JAKMIP2: variants seen among roughly 807,000 people sequenced by gnomAD.
JAKMIP2 encodes the protein janus kinase and microtubule interacting protein 2.
In JAKMIP2, 25 loss-of-function variants were observed where a neutral mutation model predicts 115.0. The observed-to-expected ratio is 0.22, with a 90% CI of 0.16 to 0.30. JAKMIP2 has a LOEUF of 0.30. JAKMIP2 is among the 10% of genes least tolerant of loss of function. The probability of loss-of-function intolerance (pLI) is 1.00; values close to 1 mark genes in which losing one functional copy is unlikely to be tolerated. For missense variants in JAKMIP2, 642 were observed against 957.6 expected (o/e 0.67, Z 4.35); for synonymous variants, 334 against 343.6 (o/e 0.97, Z 0.31).
intron 1 of JAKMIP2, among the ~76,000 whole-genome samples, chr5:147,721,980 A>G (rs548814046): frequency 3.9e-5 from 6 of 152,288 alleles, no homozygotes; most frequent in East Asian, 3.9e-4. Flanking sequence ...CAGTCTCCCT[A>G]GAGTATTTCA....
chr5:147,615,920 G>A (rs562846607), intron 19 of JAKMIP2, among the ~76,000 whole-genome samples: 7 of 152,188 alleles, frequency 4.6e-5, no homozygotes, highest in East Asian at 1.9e-4. Flanking sequence ...GGTCCTGCAC[G>A]TGCCTGGGGT....
intron 9 of JAKMIP2, among the ~76,000 whole-genome samples, chr5:147,640,076 T>G (rs2126714352): frequency 6.6e-6 from 1 of 152,330 alleles, no homozygotes; most frequent in Middle Eastern, 3.4e-3. Context: ...CATATCCAGA[T>G]TTTGGACCTA....
rs185136052 is a variant in JAKMIP2, at chr5:147,660,922, G to T, written c.627+26C>A. The T allele has an allele frequency of 2.1e-5, 33 of 1,607,160 alleles. No individual in the cohort carries two copies. The East Asian group carries it at 7.2e-4, about 35-fold the overall frequency. ...AACCTGGAAGAGATGGGTTCTACATGGGTCTGATGGGATTACTGTACTAAC... is the reference window on the plus strand; with the variant it reads ...AACCTGGAAGAGATGGGTTCTACATTGGTCTGATGGGATTACTGTACTAAC... On this transcript the variant is annotated intron_variant, in intron 3 of 21. Transcript: ENST00000616793.
chr5:147,637,100 C>T (rs1277243561), intron 10 of JAKMIP2, 52 bp from the exon 11 acceptor site: 1 of 852,138 alleles, frequency 1.2e-6, no homozygotes, highest in African/African-American at 1.7e-5. Context: ...TATTCAATAC[C>T]TTTCTTGACT....
rs184833711 is a variant in JAKMIP2, at chr5:147,620,992, C to A, written c.2065-249G>T. 2.5e-3 allele frequency among the ~76,000 whole-genome samples: 375 copies of A among 152,224 alleles called. 2 individuals are homozygous for A. The highest frequency in any genetic ancestry group is 4.2e-3 in the Non-Finnish European group (286 of 68,010). Reference sequence around the variant, plus strand: ...TAGAATGCTCTAAAAGATTTTTAATCTGAGAGCACGTGATTAAGTATAGAT... The same window carrying A: ...TAGAATGCTCTAAAAGATTTTTAATATGAGAGCACGTGATTAAGTATAGAT... On this transcript the variant is annotated intron_variant, in intron 17 of 21. Coordinates refer to ENST00000616793, the MANE Select transcript of JAKMIP2 (RefSeq NM_001270941.2).
intron 1 of JAKMIP2, among the ~76,000 whole-genome samples, chr5:147,674,236 T>C (rs1393714017): frequency 6.6e-6 from 1 of 152,190 alleles, no homozygotes; most frequent in African/African-American, 2.4e-5. Flanking sequence ...TTTTATTCCT[T>C]GTTTCTCTTA....
rs1043311858 is a variant in JAKMIP2, at chr5:147,710,078, C to T, written c.-148-38124G>A. 5.3e-5 allele frequency among the ~76,000 whole-genome samples: 8 copies of T among 152,024 alleles called. No homozygotes were observed. The South Asian group carries it at 1.5e-3, about 28-fold the overall frequency. On this transcript the variant is annotated intron_variant, in intron 1 of 21. Transcript: ENST00000616793. ...CAGCCTGTAATAGGGGCTTAAAATC[C>T]GAAGGAGTATTGATGAATAAATGAG...
At chr5:147,639,593 G>C in intron 10 of JAKMIP2, 39 bp downstream of exon 10, 4 of 1,581,402 alleles carry the variant, frequency 2.5e-6, no homozygotes, top group Non-Finnish European at 3.4e-6. Context: ...TGTGACTGCT[G>C]CACGCTAATT....
At chr5:147,652,788 C>T (rs1758471559) in intron 3 of JAKMIP2, among the ~76,000 whole-genome samples, 1 of 152,032 alleles carries the variant, frequency 6.6e-6, no homozygotes. Context: ...GCTTGCTGTA[C>T]CTATCAACCG....
intron 1 of JAKMIP2, among the ~76,000 whole-genome samples, chr5:147,738,552 T>C: frequency 6.6e-6 from 1 of 152,190 alleles, no homozygotes; most frequent in East Asian, 1.9e-4. Flanking sequence ...GAATTTACTG[T>C]ATGAATAGAC....
At chr5:147,692,400 C>T (rs896585612) in intron 1 of JAKMIP2, among the ~76,000 whole-genome samples, 3 of 152,136 alleles carry the variant, frequency 2.0e-5, no homozygotes, top group Non-Finnish European at 4.4e-5. Flanking sequence ...TTTTAAGCCA[C>T]CAGTTTGTGG....
chr5:147,759,722 T>G (rs1021035524), intron 1 of JAKMIP2, among the ~76,000 whole-genome samples: 2 of 152,008 alleles, frequency 1.3e-5, no homozygotes, highest in East Asian at 3.9e-4. Flanking sequence ...TCAAGAAAAG[T>G]GTGTCTGATT....
chr5:147,670,469 A>G (rs184486676), intron 2 of JAKMIP2, among the ~76,000 whole-genome samples: 1 of 152,304 alleles, frequency 6.6e-6, no homozygotes, highest in Non-Finnish European at 1.5e-5. Flanking sequence ...AGATTTCAAA[A>G]TGCTTTCCTA....
chr5:147,683,294 C>A (rs1322088734), intron 1 of JAKMIP2, among the ~76,000 whole-genome samples: 1 of 152,144 alleles, frequency 6.6e-6, no homozygotes, highest in Admixed American at 6.5e-5. Flanking sequence ...CACTTTGAGA[C>A]CAGCCTGGCC....
chr5:147,742,568 C>A (rs1365969877), intron 1 of JAKMIP2, among the ~76,000 whole-genome samples: 1 of 152,006 alleles, frequency 6.6e-6, no homozygotes, highest in South Asian at 2.1e-4. Flanking sequence ...AATTTGAAGG[C>A]TAGCAGGTGA....
chr5:147,646,313 G>A (rs1315130882), intron 5 of JAKMIP2, among the ~76,000 whole-genome samples: 1 of 152,106 alleles, frequency 6.6e-6, no homozygotes, highest in East Asian at 1.9e-4. Flanking sequence ...TAGTCCTGAA[G>A]CATTAATGCC....
intron 3 of JAKMIP2, chr5:147,660,640 G>C: frequency 2.7e-6 from 1 of 371,444 alleles, no homozygotes; most frequent in South Asian, 2.7e-5. Context: ...AAGAAAACAG[G>C]AGTCCTTTCC....
At chr5:147,618,244 T>A (rs1756680706) in intron 18 of JAKMIP2, 130 bp from the exon 19 acceptor site, 3 of 685,122 alleles carry the variant, frequency 4.4e-6, no homozygotes, top group Non-Finnish European at 7.5e-6. Flanking sequence ...AAGAAAATAA[T>A]TTTAAAACTT....
At chr5:147,682,624 C>T (rs1320064959) in intron 1 of JAKMIP2, among the ~76,000 whole-genome samples, 2 of 152,194 alleles carry the variant, frequency 1.3e-5, no homozygotes, top group Non-Finnish European at 2.9e-5. Flanking sequence ...GAAGTTCAAT[C>T]TAATTAACAT....
Sources: allele counts gnomAD v4.1 joint callset (sites outside exome capture counted in the v4.1 genomes callset), GRCh38; gene constraint gnomAD v4.1.1; transcripts MANE v1.5; gene names NCBI Gene and HGNC (gene_info 2026-07-23, HGNC 2026-07-21).